The following TENM2 variants were observed in gnomAD, a reference collection of about 807,000 sequenced individuals.
TENM2 encodes teneurin-2.
TENM2 carries 52 observed loss-of-function variants against 245.2 expected under a neutral mutation model. The observed-to-expected ratio is 0.21, with a 90% confidence interval of 0.17 to 0.27. The LOEUF (loss-of-function observed/expected upper bound fraction) is 0.27. Ranked by LOEUF, TENM2 falls within the 10% of genes least tolerant of loss-of-function variation. The pLI is 1.00. For synonymous variants in TENM2, 1,363 were observed against 1,438.9 expected (o/e 0.95, Z 1.19); for missense variants, 3,046 against 3,666.8 (o/e 0.83, Z 4.37).
chr5:167,682,461 A>C (rs4993461), intron 2 of TENM2, among the ~76,000 whole-genome samples: 64,409 of 151,882 alleles, frequency 0.42, 16,211 homozygotes, highest in East Asian at 0.91. Flanking sequence ...CCGTGCCTGG[A>C]TGAGAATGCC....
chr5:167,690,923 ATG>A (rs375456466), intron 2 of TENM2, among the ~76,000 whole-genome samples: 16,306 of 78,252 alleles, frequency 0.21, 1,030 homozygotes, highest in Non-Finnish European at 0.22. Context: ...ATATGCGAGT[ATG>A]TGTGTGTGTG....
intron 6 of TENM2, among the ~76,000 whole-genome samples, chr5:168,059,557 T>C (rs773890613): frequency 6.6e-6 from 1 of 152,198 alleles, no homozygotes; most frequent in African/African-American, 2.4e-5. Flanking sequence ...CACACTCTTC[T>C]TCCCCAGGCG....
At chr5:167,250,703 A>C in the TENM2 span, among the ~76,000 whole-genome samples, 1 of 152,144 alleles carries the variant, frequency 6.6e-6, no homozygotes, top group Non-Finnish European at 1.5e-5. Flanking sequence ...TCACAGAAAC[A>C]TGTGTCCTAC....
At chr5:167,328,373 AT>A (rs1160100354) in intron 1 of TENM2, among the ~76,000 whole-genome samples, 1 of 151,664 alleles carries the variant, frequency 6.6e-6, no homozygotes, top group Non-Finnish European at 1.5e-5. Flanking sequence ...TGCCCAGCTA[AT>A]TTTTTTGTAT....
intron 5 of TENM2, among the ~76,000 whole-genome samples, chr5:168,012,426 T>C (rs1456434586): frequency 2.0e-5 from 3 of 152,108 alleles, no homozygotes; most frequent in Non-Finnish European, 4.4e-5. Flanking sequence ...GAAGCTTGCT[T>C]GAGCCCAGGC....
At chr5:167,742,226 C>T (rs1267351300) in intron 2 of TENM2, among the ~76,000 whole-genome samples, 1 of 152,074 alleles carries the variant, frequency 6.6e-6, no homozygotes, top group Non-Finnish European at 1.5e-5. Context: ...CTTTTCCAGC[C>T]AAGATATTTG....
chr5:167,233,417 T>C, the TENM2 span, among the ~76,000 whole-genome samples: 2 of 152,150 alleles, frequency 1.3e-5, no homozygotes, highest in South Asian at 4.1e-4. Context: ...GTTATAAATA[T>C]ATATTTTTGG....
intron 2 of TENM2, among the ~76,000 whole-genome samples, chr5:167,547,484 G>A (rs1045453754): frequency 1.3e-5 from 2 of 152,134 alleles, no homozygotes; most frequent in Admixed American, 6.5e-5. Context: ...CCACACTTTT[G>A]TTTTTCGAAA....
intron 2 of TENM2, among the ~76,000 whole-genome samples, chr5:167,784,115 G>A (rs1764399076): frequency 6.6e-6 from 1 of 152,160 alleles, no homozygotes; most frequent in African/African-American, 2.4e-5. Flanking sequence ...ACCCAGCAGT[G>A]TCATCGTTGC....
intron 27 of TENM2, among the ~76,000 whole-genome samples, chr5:168,254,445 A>AGAGGAAGAGGAAGAAGGG (rs1191090930): frequency 2.9e-4 from 44 of 150,378 alleles, no homozygotes; most frequent in East Asian, 8.4e-4. Context: ...AAGGGGAGGG[A>AGAGGAAGAGGAAGAAGGG]GAGGAAGAGG....
intron 2 of TENM2, among the ~76,000 whole-genome samples, chr5:167,579,813 G>C (rs749386200): frequency 3.9e-5 from 6 of 152,124 alleles, no homozygotes; most frequent in Non-Finnish European, 7.4e-5. Flanking sequence ...TTAGATTGTG[G>C]TGAGTTTCTT....
chr5:168,020,603 G>A (rs970373930), intron 5 of TENM2, among the ~76,000 whole-genome samples: 3 of 152,266 alleles, frequency 2.0e-5, no homozygotes, highest in Middle Eastern at 3.4e-3. Flanking sequence ...TCTTGAAGAC[G>A]GTTGCGTCTT....
intron 2 of TENM2, among the ~76,000 whole-genome samples, chr5:167,559,332 T>G (rs1773448280): frequency 6.6e-6 from 1 of 152,136 alleles, no homozygotes; most frequent in Non-Finnish European, 1.5e-5. Context: ...GACTCAAAAT[T>G]CATCCCCTTC....
chr5:167,674,623 G>A (rs951808757), intron 2 of TENM2, among the ~76,000 whole-genome samples: 2 of 152,000 alleles, frequency 1.3e-5, no homozygotes, highest in South Asian at 4.2e-4. Flanking sequence ...TATCATCTCC[G>A]TGTGTCTCAA....
chr5:167,861,884 T>A (rs773774615), intron 2 of TENM2, among the ~76,000 whole-genome samples: 2 of 152,164 alleles, frequency 1.3e-5, no homozygotes, highest in Non-Finnish European at 2.9e-5. Context: ...AATTTCTCTG[T>A]TGGATTAAAA....
chr5:167,911,388 G>A (rs1002677058), intron 3 of TENM2, among the ~76,000 whole-genome samples: 2 of 152,128 alleles, frequency 1.3e-5, no homozygotes, highest in African/African-American at 2.4e-5. Flanking sequence ...ATAGCTGGGC[G>A]TGGTGGCGGG....
At chr5:167,041,212 A>C in the TENM2 span, among the ~76,000 whole-genome samples, 91 of 152,362 alleles carry the variant, frequency 6.0e-4, no homozygotes, top group South Asian at 2.9e-3. Context: ...GGTACTACAC[A>C]GTAATATGGA....
intron 2 of TENM2, among the ~76,000 whole-genome samples, chr5:167,668,864 G>A (rs1315692240): frequency 6.6e-6 from 1 of 152,166 alleles, no homozygotes; most frequent in Non-Finnish European, 1.5e-5. Context: ...TGAGGCCGGA[G>A]AATCACTTGA....
At chr5:167,560,360 C>T (rs985773067) in intron 2 of TENM2, among the ~76,000 whole-genome samples, 6 of 113,008 alleles carry the variant, frequency 5.3e-5, no homozygotes, top group East Asian at 2.4e-4. Flanking sequence ...GGGCAAGCAT[C>T]GCCTTATTTT....
Sources: gnomAD v4.1 joint callset for allele counts (sites outside exome capture counted in the v4.1 genomes callset) on GRCh38, gnomAD v4.1.1 for gene constraint, MANE v1.5 for transcripts, NCBI Gene and HGNC (gene_info 2026-07-23, HGNC 2026-07-21) for gene names.